The following CSGALNACT1 variants were observed in gnomAD, a reference collection of about 807,000 sequenced individuals.
The protein encoded by CSGALNACT1 is chondroitin sulfate N-acetylgalactosaminyltransferase 1.
Under a neutral mutation model 51.0 loss-of-function variants are expected in CSGALNACT1, and 52 were observed. The observed-to-expected ratio is 1.02, with a 90% CI of 0.82 to 1.29. The LOEUF (loss-of-function observed/expected upper bound fraction) is 1.29, where lower values mean the gene tolerates loss of function less well. Ranked by LOEUF, CSGALNACT1 falls within the 50% of genes most tolerant of loss-of-function variation. CSGALNACT1 has a pLI of 0.00. For missense variants in CSGALNACT1, 935 were observed against 679.2 expected, an observed-to-expected ratio of 1.38 and a Z score of -4.19; for synonymous variants, 341 against 254.4, an observed-to-expected ratio of 1.34 and a Z score of -3.24.
At chr8:19,424,294 GC>G (rs1417284236) in intron 6 of CSGALNACT1, among the ~76,000 whole-genome samples, 1 of 152,120 alleles carries the variant, frequency 6.6e-6, no homozygotes, top group Non-Finnish European at 1.5e-5. Flanking sequence ...TCCCAGGGTG[GC>G]TGCCAGGTCA....
chr8:19,535,033 C>G (rs2083470225), intron 3 of CSGALNACT1, among the ~76,000 whole-genome samples: 1 of 152,140 alleles, frequency 6.6e-6, no homozygotes, highest in African/African-American at 2.4e-5. Flanking sequence ...ACAGAGTTAG[C>G]AGTGAGTATC....
intron 3 of CSGALNACT1, among the ~76,000 whole-genome samples, chr8:19,507,631 CT>C (rs2077617389): frequency 1.3e-5 from 2 of 148,288 alleles, no homozygotes; most frequent in South Asian, 2.2e-4. Flanking sequence ...ATGCATCTTT[CT>C]TTTTTTCTCT....
chr8:19,633,862 T>C (rs1053874254), intron 1 of CSGALNACT1, among the ~76,000 whole-genome samples: 1 of 152,160 alleles, frequency 6.6e-6, no homozygotes, highest in African/African-American at 2.4e-5. Flanking sequence ...ACTGGTGGCA[T>C]GCCAAACTGG....
At chr8:19,416,207 C>T (rs753680346) in intron 8 of CSGALNACT1, among the ~76,000 whole-genome samples, 20 of 150,806 alleles carry the variant, frequency 1.3e-4, no homozygotes, top group Admixed American at 1.0e-3. Context: ...CTCTGCCTCC[C>T]GGGTTTAAGT....
intron 1 of CSGALNACT1, among the ~76,000 whole-genome samples, chr8:19,702,374 G>C (rs533943076): frequency 1.3e-5 from 2 of 151,812 alleles, no homozygotes; most frequent in African/African-American, 2.4e-5. Flanking sequence ...TTAAATATTA[G>C]TTGAGGATAC....
intron 6 of CSGALNACT1, among the ~76,000 whole-genome samples, chr8:19,428,906 T>C (rs2059228352): frequency 6.6e-6 from 1 of 151,540 alleles, no homozygotes; most frequent in African/African-American, 2.4e-5. Flanking sequence ...ATGTATACTT[T>C]TTATTGAGTT....
intron 3 of CSGALNACT1, among the ~76,000 whole-genome samples, chr8:19,549,370 A>G (rs2087325071): frequency 6.6e-6 from 1 of 152,130 alleles, no homozygotes; most frequent in Non-Finnish European, 1.5e-5. Flanking sequence ...TTTTCTTGCT[A>G]TTAATAACTG....
At chr8:19,502,301 G>A (rs2076555624) in intron 4 of CSGALNACT1, among the ~76,000 whole-genome samples, 1 of 152,156 alleles carries the variant, frequency 6.6e-6, no homozygotes, top group Non-Finnish European at 1.5e-5. Flanking sequence ...AGGCTGGGCT[G>A]GGAAGGGCGA....
At chr8:19,636,773 T>C (rs1006274842) in intron 1 of CSGALNACT1, among the ~76,000 whole-genome samples, 1 of 152,224 alleles carries the variant, frequency 6.6e-6, no homozygotes, top group Non-Finnish European at 1.5e-5. Context: ...CCGAGTTTTG[T>C]AACGTTTTTT....
At chr8:19,650,741 C>T (rs926129634) in intron 1 of CSGALNACT1, among the ~76,000 whole-genome samples, 3 of 152,066 alleles carry the variant, frequency 2.0e-5, no homozygotes, top group South Asian at 2.1e-4. Flanking sequence ...GAAACAAAAC[C>T]GGTTCATTTC....
rs114007938 is a variant in CSGALNACT1, at chr8:19,425,589, C to G, written c.954-5071G>C. 3.3e-3 allele frequency among the ~76,000 whole-genome samples: 499 copies of G among 152,318 alleles called. 2 individuals carry two copies. The highest frequency in any genetic ancestry group is 0.012 in the African/African-American group (479 of 41,562). ...CAGAGCCTCACAAGAGTGGAAGCAT[C>G]TACCTCACTGCCTGCTCTCCATCCC... On this transcript the variant is annotated intron_variant, in intron 6 of 9. Transcript: ENST00000454498.
At position 19,499,619 on chromosome 8, in the gene CSGALNACT1, C is replaced by G. The variant is rs142990918; in HGVS notation, c.634+5582G>C. ...GCTCTGTGCAGAGGCTCCATCTGCCCCAGTCCATGGTCAAAAGAGCTGGTC... is the reference window on the plus strand; with the variant it reads ...GCTCTGTGCAGAGGCTCCATCTGCCGCAGTCCATGGTCAAAAGAGCTGGTC... On this transcript the variant is annotated intron_variant, in intron 4 of 9. Transcript: ENST00000454498. Among the ~76,000 whole-genome samples the G allele has an allele frequency of 3.4e-3, 518 of 152,298 alleles. 3 individuals carry two copies. The highest frequency in any genetic ancestry group is 0.012 in the African/African-American group (496 of 41,552).
intron 3 of CSGALNACT1, among the ~76,000 whole-genome samples, chr8:19,543,453 C>T (rs2085724492): frequency 6.6e-6 from 1 of 152,210 alleles, no homozygotes; most frequent in African/African-American, 2.4e-5. Context: ...GGTTGTTTTG[C>T]TGTGCCTAGA....
intron 1 of CSGALNACT1, among the ~76,000 whole-genome samples, chr8:19,679,687 A>G (rs962545419): frequency 6.6e-6 from 1 of 152,154 alleles, no homozygotes; most frequent in East Asian, 1.9e-4. Context: ...CAAGACAGTC[A>G]TGTGCCATCA....
intron 1 of CSGALNACT1, among the ~76,000 whole-genome samples, chr8:19,680,279 G>T (rs2154208063): frequency 6.6e-6 from 1 of 152,292 alleles, no homozygotes; most frequent in African/African-American, 2.4e-5. Context: ...ATATAGGCCT[G>T]GAATGGTGGC....
chr8:19,524,407 C>T (rs2081280576), intron 3 of CSGALNACT1, among the ~76,000 whole-genome samples: 2 of 152,158 alleles, frequency 1.3e-5, no homozygotes, highest in Non-Finnish European at 2.9e-5. Context: ...ACTCAAAACT[C>T]ACCATTTAAT....
At chr8:19,483,568 C>T (rs1218865892) in intron 4 of CSGALNACT1, among the ~76,000 whole-genome samples, 2 of 152,202 alleles carry the variant, frequency 1.3e-5, no homozygotes, top group Non-Finnish European at 2.9e-5. Flanking sequence ...CTAGACTTAG[C>T]TCAGAATATC....
At chr8:19,584,834 G>A (rs1178447235) in intron 3 of CSGALNACT1, among the ~76,000 whole-genome samples, 1 of 152,106 alleles carries the variant, frequency 6.6e-6, no homozygotes, top group East Asian at 1.9e-4. Flanking sequence ...AGAATTAAGG[G>A]CTTGTCATCC....
At chr8:19,549,498 G>GT (rs968915290) in intron 3 of CSGALNACT1, among the ~76,000 whole-genome samples, 8 of 151,718 alleles carry the variant, frequency 5.3e-5, no homozygotes, top group South Asian at 2.1e-4. Flanking sequence ...AATTTCTTTT[G>GT]TTTTTTTCCT....
Sources: gnomAD v4.1 joint callset for allele counts (sites outside exome capture counted in the v4.1 genomes callset) on GRCh38, gnomAD v4.1.1 for gene constraint, MANE v1.5 for transcripts, NCBI Gene and HGNC (gene_info 2026-07-23, HGNC 2026-07-21) for gene names.